Variants in PRKCZ observed in about 807,000 individuals in gnomAD.
PRKCZ encodes the protein protein kinase C zeta type.
PRKCZ carries 33 observed loss-of-function variants against 79.5 expected under a neutral mutation model. The ratio of observed to expected loss-of-function variants is 0.41; its 90% confidence interval spans 0.31 to 0.55. The LOEUF is 0.55. Among genes scored for constraint, PRKCZ ranks in the 20% least tolerant of loss-of-function variants. The pLI is 0.19. For synonymous variants in PRKCZ, 342 were observed against 320.9 expected (o/e 1.07, Z -0.70); for missense variants, 578 against 813.5 (o/e 0.71, Z 3.52).
At position 2,185,204 on chromosome 1, in the gene PRKCZ, C is replaced by T. The variant is rs1389763217; in HGVS notation, c.*195C>T. The T allele has an allele frequency of 1.4e-6, 1 of 706,008 alleles. No homozygotes were observed. The highest frequency in any genetic ancestry group is 1.7e-5 in the African/African-American group (1 of 57,264). 43.7% of individuals were successfully genotyped at this position (706,008 alleles called of 1,614,324 possible). A position where few individuals can be genotyped will look rare whatever the true frequency, so the allele number is the denominator to read the frequency against. On this transcript the variant is annotated 3_prime_UTR_variant, in exon 18 of 18. Transcript: ENST00000378567. Reference sequence around the variant, plus strand: ...CCCTCACACCTGGGCCCGGGCAGGCCAGCTTCGTGCTGGAGGAACTTGCTG... The same window carrying T: ...CCCTCACACCTGGGCCCGGGCAGGCTAGCTTCGTGCTGGAGGAACTTGCTG...
chr1:2,135,404 A>G, intron 5 of PRKCZ, 57 bp downstream of exon 5: 7 of 1,472,908 alleles, frequency 4.8e-6, no homozygotes, highest in Non-Finnish European at 6.5e-6. Flanking sequence ...TTTTAAAAGC[A>G]AAGAGAGAGG....
chr1:2,107,199 T>C (rs934921251), intron 4 of PRKCZ, among the ~76,000 whole-genome samples: 3 of 152,262 alleles, frequency 2.0e-5, no homozygotes, highest in African/African-American at 7.2e-5. Flanking sequence ...CGTGTAACAG[T>C]GAGTGCTGCC....
intron 11 of PRKCZ, 101 bp downstream of exon 11, chr1:2,169,705 C>T (rs1016158347): frequency 5.0e-5 from 10 of 200,746 alleles, no homozygotes; most frequent in African/African-American, 1.4e-4. Flanking sequence ...AGAGGGATGA[C>T]GGGTGGGTGC....
intron 4 of PRKCZ, among the ~76,000 whole-genome samples, chr1:2,063,947 A>G (rs1660915321): frequency 6.6e-6 from 1 of 150,920 alleles, no homozygotes; most frequent in South Asian, 2.1e-4. Context: ...CCAGATTCAA[A>G]TGATTCTCCT....
At chr1:2,124,828 CCTT>C (rs1351717809) in intron 4 of PRKCZ, among the ~76,000 whole-genome samples, 1 of 151,968 alleles carries the variant, frequency 6.6e-6, no homozygotes, top group Non-Finnish European at 1.5e-5. Context: ...TCTGGCAACA[CCTT>C]CTCTTCTGAC....
At chr1:2,088,471 T>C (rs1664913638) in intron 4 of PRKCZ, among the ~76,000 whole-genome samples, 1 of 152,186 alleles carries the variant, frequency 6.6e-6, no homozygotes. Flanking sequence ...TCCCTGGACA[T>C]TTGCTGAACG....
chr1:2,169,401 C>T lies in PRKCZ; in HGVS notation c.975-117C>T, dbSNP rs262643. On this transcript the variant is annotated intron_variant, in intron 10 of 17. Transcript: ENST00000378567. ...TGCTCCTGCTGCTCTTTGCTCTTTG[C>T]AAGACTGAACCTGCGGGAGGGTTCG... 0.017 allele frequency: 15,364 copies of T among 880,120 alleles called. 1,174 individuals carry two copies. The African/African-American group carries it at 0.19, about 11-fold the overall frequency. The allele number at this position is 880,120 out of a possible 1,614,324, so 54.5% of individuals were successfully genotyped here.
intron 4 of PRKCZ, among the ~76,000 whole-genome samples, chr1:2,084,376 C>T (rs1403042737): frequency 1.3e-5 from 2 of 151,314 alleles, no homozygotes; most frequent in Admixed American, 6.6e-5. Context: ...AGGTGCTGTC[C>T]GCTTCGGATT....
intron 16 of PRKCZ, among the ~76,000 whole-genome samples, chr1:2,181,308 C>A (rs1557758149): frequency 6.6e-6 from 1 of 152,186 alleles, no homozygotes; most frequent in Non-Finnish European, 1.5e-5. Flanking sequence ...CAGGCTATTT[C>A]TCAGATGTCC....
chr1:2,142,368 AGCCG>A (rs1677535567), intron 5 of PRKCZ: 1 of 62,040 alleles, frequency 1.6e-5, no homozygotes, highest in South Asian at 1.7e-4. Flanking sequence ...CACATCCAGC[AGCCG>A]AAGCGCCCTC....
intron 4 of PRKCZ, among the ~76,000 whole-genome samples, chr1:2,109,797 G>A (rs3128335): frequency 0.089 from 13,579 of 152,206 alleles, 2,029 homozygotes; most frequent in African/African-American, 0.31. Flanking sequence ...GCCGTGCCAC[G>A]TCGCTCAGAT....
chr1:2,061,478 A>G (rs1295483790), intron 4 of PRKCZ, among the ~76,000 whole-genome samples: 2 of 152,060 alleles, frequency 1.3e-5, no homozygotes, highest in African/African-American at 4.8e-5. Flanking sequence ...GTGGCAGCCG[A>G]GTCACCGTGG....
At chr1:2,183,629 G>A (rs991257357) in intron 16 of PRKCZ, 16 of 152,912 alleles carry the variant, frequency 1.0e-4, no homozygotes, top group African/African-American at 2.4e-4. Flanking sequence ...TGGAGGTTGG[G>A]AGTCCAGGGT....
intron 4 of PRKCZ, among the ~76,000 whole-genome samples, chr1:2,084,571 C>G (rs1042019139): frequency 1.3e-5 from 2 of 152,234 alleles, no homozygotes; most frequent in Non-Finnish European, 2.9e-5. Flanking sequence ...GTGTGCTCAC[C>G]CTGCCCTGGT....
intron 4 of PRKCZ, among the ~76,000 whole-genome samples, chr1:2,059,854 A>G (rs569225757): frequency 1.3e-5 from 2 of 152,132 alleles, no homozygotes; most frequent in South Asian, 4.1e-4. Context: ...CCGTCTCCCT[A>G]GGAGGGAGGG....
rs1683778146 is a variant in PRKCZ, at chr1:2,168,501, T to C, written c.975-1017T>C. 1.3e-5 allele frequency among the ~76,000 whole-genome samples: 2 copies of C among 152,162 alleles called. No homozygotes were observed. The highest frequency in any genetic ancestry group is 2.9e-5 in the Non-Finnish European group (2 of 68,042). The stretch of plus-strand genomic sequence containing the variant: ...CTTGGGGCCCAGGGCTCTTTCGATT[T>C]TTAGGAGTTTGTTTCCAATCAGAAA... On this transcript the variant is annotated intron_variant, in intron 10 of 17. Transcript: ENST00000378567. This position sits in a 1 kb window ranked among gnomAD's most constrained non-coding sequence, Gnocchi z 4.7.
At chr1:2,080,753 G>A (rs553131622) in intron 4 of PRKCZ, among the ~76,000 whole-genome samples, 27 of 152,200 alleles carry the variant, frequency 1.8e-4, no homozygotes, top group African/African-American at 2.6e-4. Flanking sequence ...CCAGGATCCC[G>A]TCCAGGGCCC....
At position 2,185,355 on chromosome 1, in the gene PRKCZ, G is replaced by C. The variant is rs746976501; in HGVS notation, c.*346G>C. On this transcript the variant is annotated 3_prime_UTR_variant, in exon 18 of 18. Coordinates refer to ENST00000378567, the MANE Select transcript of PRKCZ (RefSeq NM_002744.6). Reference sequence around the variant, plus strand: ...GACCTGCTCCGCCAGGAAAGTGAGCGTGTAGCGTCCTGAGGAATAAAATGT... The same window carrying C: ...GACCTGCTCCGCCAGGAAAGTGAGCCTGTAGCGTCCTGAGGAATAAAATGT... 16 of 718,724 alleles carry C rather than the reference G, an allele frequency of 2.2e-5. No homozygotes were observed. Among genetic ancestry groups the C allele is most frequent in the Non-Finnish European group, 4.2e-5 (16 of 385,162 alleles). 44.5% of individuals were successfully genotyped at this position (718,724 alleles called of 1,614,324 possible). A position where few individuals can be genotyped will look rare whatever the true frequency, so the allele number is the denominator to read the frequency against.
intron 4 of PRKCZ, among the ~76,000 whole-genome samples, chr1:2,090,472 CCA>C (rs915000506): frequency 1.3e-5 from 2 of 150,330 alleles, no homozygotes; most frequent in African/African-American, 4.9e-5. Context: ...GGCCGTCTCA[CCA>C]CTGAGGGGAT....
Sources: gnomAD v4.1 joint callset for allele counts (sites outside exome capture counted in the v4.1 genomes callset) on GRCh38, gnomAD v4.1.1 for gene constraint, Gnocchi (gnomAD v3.1) non-coding constraint, MANE v1.5 for transcripts, NCBI Gene and HGNC (gene_info 2026-07-23, HGNC 2026-07-21) for gene names.